The following PADI4 variants were observed in gnomAD, a reference collection of about 807,000 sequenced individuals.
PADI4 encodes the protein protein-arginine deiminase type-4.
Under a neutral mutation model 75.0 loss-of-function variants are expected in PADI4, and 62 were observed. That is an observed-to-expected ratio of 0.83 (90% CI 0.67 to 1.02). The LOEUF is 1.02. PADI4 is among the 50% of genes least tolerant of loss of function. The pLI is 0.00. For missense variants in PADI4, 845 were observed against 850.5 expected, an observed-to-expected ratio of 0.99 and a Z score of 0.08; for synonymous variants, 361 against 348.1, an observed-to-expected ratio of 1.04 and a Z score of -0.41.
chr1:17,351,816 A>C (rs76802914), intron 10 of PADI4, among the ~76,000 whole-genome samples: 1,807 of 150,028 alleles, frequency 0.012, 29 homozygotes, highest in South Asian at 0.059. Context: ...GTTCCAGAAC[A>C]GCAAGAGGGC....
At chr1:17,357,451 G>A (rs1196316430) in intron 13 of PADI4, among the ~76,000 whole-genome samples, 1 of 152,114 alleles carries the variant, frequency 6.6e-6, no homozygotes, top group East Asian at 1.9e-4. Context: ...ACAGGCATGA[G>A]CCACCACGCC....
Position 17,360,045 on chromosome 1 carries a change from C to T in PADI4, c.1758+637C>T, listed in dbSNP as rs191592055. Among the ~76,000 whole-genome samples, 232 of 152,248 alleles carry T rather than the reference C, an allele frequency of 1.5e-3. 1 individual carries two copies. The highest frequency in any genetic ancestry group is 5.1e-3 in the African/African-American group (210 of 41,546). On this transcript the variant is annotated intron_variant, in intron 15 of 15. Transcript: ENST00000375448. Reference sequence around the variant, plus strand: ...TGGCTCACGCCTGTAATCCTAGCACCTTAGTAGGCCAGAGCGGGTGGATCA... The same window carrying T: ...TGGCTCACGCCTGTAATCCTAGCACTTTAGTAGGCCAGAGCGGGTGGATCA...
At chr1:17,358,715 G>T (rs2074801683) in intron 13 of PADI4, 123 bp from the exon 14 acceptor site, 3 of 694,402 alleles carry the variant, frequency 4.3e-6, no homozygotes, top group Non-Finnish European at 7.8e-6. Flanking sequence ...AACCTGTATG[G>T]TAAGAATTAT....
At chr1:17,353,391 G>A (rs1224343669) in intron 10 of PADI4, among the ~76,000 whole-genome samples, 3 of 152,130 alleles carry the variant, frequency 2.0e-5, no homozygotes, top group African/African-American at 7.2e-5. Flanking sequence ...GATCCTTTGA[G>A]CCCAGGAGGT....
intron 1 of PADI4, among the ~76,000 whole-genome samples, chr1:17,318,411 G>A (rs1392564527): frequency 6.6e-6 from 1 of 152,204 alleles, no homozygotes; most frequent in Non-Finnish European, 1.5e-5. Context: ...CACAGAGAAA[G>A]GTGACTAGCT....
chr1:17,313,526 A>AAG lies in PADI4; in HGVS notation c.92+5212_92+5213insAG, dbSNP rs1557536933. On this transcript the variant is annotated intron_variant, in intron 1 of 15. Transcript: ENST00000375448. Reference sequence around the variant, plus strand: ...AAAAAAAAAAAAAAAAAAAAAGGAAAGGAAGGAAAGAAGGAAAGAAGGAAA... The same window carrying AAG: ...AAAAAAAAAAAAAAAAAAAAAGGAAAAGGGAAGGAAAGAAGGAAAGAAGGAAA... Among the ~76,000 whole-genome samples, 1,040 of 146,250 alleles carry AAG rather than the reference A, an allele frequency of 7.1e-3. 18 individuals are homozygous for AAG. Among genetic ancestry groups the AAG allele is most frequent in the African/African-American group, 0.025 (974 of 39,332 alleles).
chr1:17,320,572 A>C (rs781504088), intron 1 of PADI4, among the ~76,000 whole-genome samples: 29 of 152,208 alleles, frequency 1.9e-4, no homozygotes, highest in Non-Finnish European at 2.9e-4. Context: ...CATATAGGGT[A>C]ACTTCCAAGC....
At position 17,339,798 on chromosome 1, in the gene PADI4, G is replaced by A. The variant is rs756912663; in HGVS notation, c.637G>A (p.Val213Met). Reference protein sequence around the residue: ...VARSEMDKVRVFQATRGKLSS... With the variant: ...VARSEMDKVRMFQATRGKLSS... ...CAGGTCTGAGATGGACAAAGTGAGG[G>A]TGTTTCAGGCCACACGTAAGTCATC... Residue 213 changes from valine to methionine, a missense_variant, in exon 6 of 16, where the codon GTG (valine) becomes ATG (methionine). Physicochemically the swap from Val to Met is conservative, Grantham distance 21. Transcript: ENST00000375448. The A allele has an allele frequency of 6.2e-7, 1 of 1,608,926 alleles. No homozygotes were observed. The highest frequency in any genetic ancestry group is 8.5e-7 in the Non-Finnish European group (1 of 1,177,452).
chr1:17,322,457 C>G (rs1264056406), intron 1 of PADI4, among the ~76,000 whole-genome samples: 3 of 150,468 alleles, frequency 2.0e-5, no homozygotes, highest in Non-Finnish European at 4.4e-5. Flanking sequence ...CCACTGCACT[C>G]TAGCCTGGGT....
Position 17,358,921 on chromosome 1 carries a change from G to C in PADI4, c.1629+13G>C. On this transcript the variant is annotated intron_variant, in intron 14 of 15. Transcript: ENST00000375448. ...TTCATTTGTGGAGGTAGGAGCCTGG[G>C]TGCCTACACCCCAGCAGACCTGACG... 6.3e-7 allele frequency: 1 copy of C among 1,586,202 alleles called. No homozygotes were observed. The highest frequency in any genetic ancestry group is 8.6e-7 in the Non-Finnish European group (1 of 1,158,900).
chr1:17,363,818 C>A lies in PADI4; in HGVS notation c.*63C>A. ...TGTCGCTGGGTCCTCTGCAGTGTGGCAAGCAAGAGCTCTTGTGAATATTGT... is the reference window on the plus strand; with the variant it reads ...TGTCGCTGGGTCCTCTGCAGTGTGGAAAGCAAGAGCTCTTGTGAATATTGT... On this transcript the variant is annotated 3_prime_UTR_variant, in exon 16 of 16. Transcript: ENST00000375448. The A allele has an allele frequency of 1.7e-6, 2 of 1,156,776 alleles. No homozygotes were observed. Among genetic ancestry groups the A allele is most frequent in the Non-Finnish European group, 1.3e-6 (1 of 779,774 alleles). The allele number at this position is 1,156,776 out of a possible 1,614,324, so 71.7% of individuals were successfully genotyped here.
chr1:17,316,508 TGA>T (rs2073937053), intron 1 of PADI4, among the ~76,000 whole-genome samples: 1 of 150,772 alleles, frequency 6.6e-6, no homozygotes, highest in African/African-American at 2.4e-5. Flanking sequence ...GCTAACACAG[TGA>T]AACCCCGTCT....
At position 17,341,996 on chromosome 1, in the gene PADI4, C is replaced by T; in HGVS notation, c.706C>T (p.His236Tyr). ...AGTCTTGGGTCCCAAGTGGCCCTCTCACTACCTGATGGTCCCCGGTGGAAA... is the reference window on the plus strand; with the variant it reads ...AGTCTTGGGTCCCAAGTGGCCCTCTTACTACCTGATGGTCCCCGGTGGAAA... The part of the protein sequence containing the change: ...SVVLGPKWPS[H>Y]YLMVPGGKHN... Residue 236 changes from histidine (H) to tyrosine (Y), a missense_variant, in exon 7 of 16, where the codon CAC becomes TAC. Coordinates refer to ENST00000375448, the MANE Select transcript of PADI4 (RefSeq NM_012387.3). 3.1e-6 allele frequency: 5 copies of T among 1,614,060 alleles called. No individual in the cohort carries two copies. Among genetic ancestry groups the T allele is most frequent in the Non-Finnish European group, 4.2e-6 (5 of 1,179,942 alleles).
chr1:17,345,719 C>A (rs942600811), intron 8 of PADI4, among the ~76,000 whole-genome samples: 7 of 152,192 alleles, frequency 4.6e-5, no homozygotes, highest in African/African-American at 1.7e-4. Context: ...CCCACCATGG[C>A]CTCCCCAGCC....
chr1:17,363,453 TG>T, intron 15 of PADI4, 68 bp from the exon 16 acceptor site: 1 of 1,055,740 alleles, frequency 9.5e-7, no homozygotes, highest in Non-Finnish European at 1.4e-6. Flanking sequence ...CAGAGAAGGG[TG>T]GGGCCGCTCA....
intron 5 of PADI4, among the ~76,000 whole-genome samples, 192 bp from the exon 6 acceptor site, chr1:17,339,496 C>T (rs1484992566): frequency 1.3e-5 from 2 of 152,168 alleles, no homozygotes; most frequent in African/African-American, 4.8e-5. Flanking sequence ...CCTTAATGAG[C>T]TCTCATTCCA....
At chr1:17,336,729 G>T (rs2074319437) in intron 4 of PADI4, among the ~76,000 whole-genome samples, 1 of 152,228 alleles carries the variant, frequency 6.6e-6, no homozygotes, top group South Asian at 2.1e-4. Flanking sequence ...ACCAGAGTCT[G>T]CAGGTAAACC....
chr1:17,325,559 C>T (rs1337880835), intron 1 of PADI4, among the ~76,000 whole-genome samples: 1 of 151,816 alleles, frequency 6.6e-6, no homozygotes, highest in Non-Finnish European at 1.5e-5. Flanking sequence ...TTGGAGTTTG[C>T]AGACAACTGT....
chr1:17,348,728 G>A (rs1433905302), intron 10 of PADI4: 12 of 152,202 alleles, frequency 7.9e-5, no homozygotes, highest in Admixed American at 7.9e-4. Flanking sequence ...TTTTATAGAA[G>A]AAGAAACTGA....
Sources: allele counts gnomAD v4.1 joint callset (sites outside exome capture counted in the v4.1 genomes callset), GRCh38; gene constraint gnomAD v4.1.1; transcripts MANE v1.5; gene names NCBI Gene and HGNC (gene_info 2026-07-23, HGNC 2026-07-21).